Variants in CEP295 observed in about 807,000 individuals in gnomAD.
CEP295 encodes the protein centrosomal protein of 295 kDa.
Under a neutral mutation model 291.6 loss-of-function variants are expected in CEP295, and 190 were observed. The ratio of observed to expected loss-of-function variants is 0.65; its 90% CI spans 0.58 to 0.73. CEP295 has a LOEUF of 0.73. CEP295 is among the 30% of genes least tolerant of loss of function. The probability of loss-of-function intolerance (pLI) is 0.00; values close to 1 mark genes in which losing one functional copy is unlikely to be tolerated. For missense variants in CEP295, 2,863 were observed against 2,949.4 expected, an observed-to-expected ratio of 0.97 and a Z score of 0.68; for synonymous variants, 993 against 1,038.8, an observed-to-expected ratio of 0.96 and a Z score of 0.85.
chr11:93,679,745 C>T (rs1414255920), intron 7 of CEP295, among the ~76,000 whole-genome samples, 193 bp downstream of exon 7: 1 of 152,102 alleles, frequency 6.6e-6, no homozygotes, highest in African/African-American at 2.4e-5. Flanking sequence ...GCTATTCTCC[C>T]AGTGTATTGC....
At chr11:93,669,204 A>C (rs906274958) in intron 4 of CEP295, among the ~76,000 whole-genome samples, 1 of 152,134 alleles carries the variant, frequency 6.6e-6, no homozygotes, top group East Asian at 1.9e-4. Context: ...TTCAGAATGC[A>C]TGTCAACCAA....
intron 19 of CEP295, 80 bp from the exon 20 acceptor site, chr11:93,721,874 C>A (rs766090209): frequency 2.2e-6 from 2 of 912,940 alleles, no homozygotes; most frequent in African/African-American, 1.6e-5. Context: ...TCAGAAGTGA[C>A]AACTGCTGGG....
At chr11:93,671,327 G>A (rs1411769469) in intron 5 of CEP295, among the ~76,000 whole-genome samples, 1 of 152,004 alleles carries the variant, frequency 6.6e-6, no homozygotes, top group Non-Finnish European at 1.5e-5. Context: ...CTGTTAACTT[G>A]TGGGGGTTTT....
chr11:93,667,016 T>C (rs79598575), intron 2 of CEP295, among the ~76,000 whole-genome samples: 4,233 of 152,332 alleles, frequency 0.028, 87 homozygotes, highest in Non-Finnish European at 0.043. Context: ...AGTTGGAAGA[T>C]AGGTATTATT....
intron 25 of CEP295, chr11:93,729,100 A>G (rs758799407): frequency 6.1e-6 from 3 of 493,756 alleles, no homozygotes; most frequent in Non-Finnish European, 1.1e-5. Context: ...TTTTACCTAA[A>G]CTTATTCCCA....
rs898606125 is a variant in CEP295, at chr11:93,698,401, G to T, written c.3489G>T (p.Leu1163Phe). 6.4e-7 allele frequency: 1 copy of T among 1,552,092 alleles called. No individual in the cohort carries two copies. Among genetic ancestry groups the T allele is most frequent in the African/African-American group, 1.4e-5 (1 of 73,154 alleles). ...PQHSLAQQEN[L>F]TILQEQSQIQ... is the part of the protein sequence containing the mutation. ...ATAGCCTGGCACAGCAAGAAAATTT[G>T]ACAATACTCCAAGAACAGTCACAAA... Residue 1163 changes from leucine (L) to phenylalanine (F), a missense_variant, in exon 15 of 30, where the codon TTG (leucine) becomes TTT (phenylalanine). By Grantham distance (22) the Leu-to-Phe change is conservative (BLOSUM62 0). This residue lies in a region of CEP295 where 2,295 missense variants were observed against 2,335.7 expected (regional missense o/e 0.98). Transcript: ENST00000325212.
At chr11:93,696,509 C>T (rs755658906) in intron 14 of CEP295, 92 bp downstream of exon 14, 152 of 1,095,262 alleles carry the variant, frequency 1.4e-4, no homozygotes, top group Middle Eastern at 5.6e-4. Flanking sequence ...ATTTGGATTT[C>T]CTTAGAATTA....
intron 6 of CEP295, 45 bp downstream of exon 6, chr11:93,675,711 G>T (rs767102785): frequency 1.9e-5 from 19 of 991,802 alleles, no homozygotes; most frequent in Non-Finnish European, 2.5e-5. Context: ...TATTATTTCT[G>T]TGTGCATTGA....
rs892679990 is a variant in CEP295 at position 93,698,961 on chromosome 11, A to G, written c.4049A>G (p.Asn1350Ser). ...ISQLIQPQQD[N>S]LKALQEQLAT... is the part of the protein sequence containing the mutation. ...CAACTTATCCAGCCTCAACAAGATA[A>G]TTTGAAGGCACTTCAAGAACAGTTA... Residue 1350 changes from asparagine (N) to serine (S), a missense_variant, in exon 15 of 30, where the codon AAT becomes AGT. Asn to Ser is a conservative substitution (Grantham distance 46). Transcript: ENST00000325212. The G allele has an allele frequency of 2.6e-6, 4 of 1,551,260 alleles. No individual in the cohort carries two copies. The highest frequency in any genetic ancestry group is 2.0e-5 in the Admixed American group (1 of 50,996).
intron 24 of CEP295, 143 bp from the exon 25 acceptor site, chr11:93,728,538 T>C: frequency 1.7e-6 from 1 of 586,772 alleles, no homozygotes; most frequent in East Asian, 3.2e-5. Context: ...ATCTGATCTG[T>C]TGGTCTTTGC....
rs193161949 is a variant in CEP295 at position 93,691,876 on chromosome 11, G to T, written c.1430-51G>T. 1.1e-3 allele frequency: 1,545 copies of T among 1,346,576 alleles called. 21 individuals are homozygous for T. Among genetic ancestry groups the T allele is most frequent in the Non-Finnish European group, 1.0e-4 (99 of 971,620 alleles). The allele number at this position is 1,346,576 out of a possible 1,614,324, so 83.4% of individuals were successfully genotyped here. A position where few individuals can be genotyped will look rare whatever the true frequency, so the allele number is the denominator to read the frequency against. Reference sequence around the variant, plus strand: ...TATTAAGAAAGGGCATTATAGTGGTGTCAAAATTCTAAATTATTGAAACTA... The same window carrying T: ...TATTAAGAAAGGGCATTATAGTGGTTTCAAAATTCTAAATTATTGAAACTA... On this transcript the variant is annotated intron_variant, in intron 11 of 29. Coordinates refer to ENST00000325212, the MANE Select transcript of CEP295 (RefSeq NM_033395.2).
At chr11:93,687,900 C>A in intron 10 of CEP295, 35 bp downstream of exon 10, 1 of 1,440,780 alleles carries the variant, frequency 6.9e-7, no homozygotes, top group Non-Finnish European at 9.3e-7. Flanking sequence ...TTCTATAAAC[C>A]CTTTTAAGTT....
chr11:93,691,680 C>T lies in CEP295; in HGVS notation c.1337-3C>T, dbSNP rs1591038686. The T allele has an allele frequency of 8.6e-6, 13 of 1,508,332 alleles. No homozygotes were observed. Among genetic ancestry groups the T allele is most frequent in the South Asian group, 6.2e-5 (5 of 80,508 alleles). The allele number at this position is 1,508,332 out of a possible 1,614,324, so 93.4% of individuals were successfully genotyped here. On this transcript the variant is annotated splice_region_variant and splice_polypyrimidine_tract_variant and intron_variant, in intron 10 of 29. Transcript: ENST00000325212. ...AAAATAACAGTGGTATTATCTATTA[C>T]AGTTGTTGAAAGTGATACACTAACA...
intron 4 of CEP295, 76 bp from the exon 5 acceptor site, chr11:93,669,601 C>G (rs1487355492): frequency 3.2e-6 from 3 of 932,830 alleles, no homozygotes; most frequent in Non-Finnish European, 5.0e-6. Context: ...GAGCCTATGA[C>G]TTACATATTT....
chr11:93,677,643 A>G (rs1175994495), intron 6 of CEP295, among the ~76,000 whole-genome samples: 3 of 152,114 alleles, frequency 2.0e-5, no homozygotes, highest in African/African-American at 7.2e-5. Context: ...TTTTTTTCAA[A>G]TGAACTTTGC....
chr11:93,689,963 T>A (rs1234263002), intron 10 of CEP295, among the ~76,000 whole-genome samples: 1 of 152,156 alleles, frequency 6.6e-6, no homozygotes, highest in Non-Finnish European at 1.5e-5. Context: ...AGAGGGCTTG[T>A]AAGACCATCT....
Position 93,729,486 on chromosome 11 carries a change from C to T in CEP295, c.7355C>T (p.Ala2452Val), listed in dbSNP as rs1938063729. The T allele has an allele frequency of 1.9e-6, 3 of 1,551,812 alleles. No individual in the cohort carries two copies. The highest frequency in any genetic ancestry group is 1.4e-5 in the African/African-American group (1 of 73,044). The part of the protein sequence containing the change: ...VSATEASDYP[A>V]VSELSIEKPR... ...GCAACAGAAGCCTCAGATTATCCAG[C>T]TGTATCAGAACTTTCCATAGAAAAA... Residue 2452 changes from alanine to valine, a missense_variant, in exon 26 of 30, where the codon GCT becomes GTT. By Grantham distance (64) the Ala-to-Val change is moderately conservative. This residue lies in a region of CEP295 where 2,295 missense variants were observed against 2,335.7 expected (regional missense o/e 0.98). Coordinates refer to ENST00000325212, the MANE Select transcript of CEP295 (RefSeq NM_033395.2).
At position 93,722,355 on chromosome 11, in the gene CEP295, A is replaced by G. The variant is rs138508396; in HGVS notation, c.5947+305A>G. 634 of 267,464 alleles carry G rather than the reference A, an allele frequency of 2.4e-3. 23 individuals are homozygous for G. The East Asian group carries it at 0.06, about 25-fold the overall frequency. 16.6% of individuals were successfully genotyped at this position (267,464 alleles called of 1,614,324 possible). A position where few individuals can be genotyped will look rare whatever the true frequency, so the allele number is the denominator to read the frequency against. On this transcript the variant is annotated intron_variant, in intron 20 of 29. Transcript: ENST00000325212. The stretch of plus-strand genomic sequence containing the variant: ...TAAGTGCCTGTAGTCCCAGCTACTC[A>G]GGAGGCTGAGGTGAGGGGATCGCTT...
rs553531936 is a variant in CEP295, at chr11:93,682,258, CTG to C, written c.766-1299_766-1298del. On this transcript the variant is annotated intron_variant, in intron 7 of 29. Transcript: ENST00000325212. ...TTATTTTTTGAGACAGTGTCTCACT[CTG>C]TTGCCCAGGGTAGAGTTCAGTGGCG... 2.0e-3 allele frequency among the ~76,000 whole-genome samples: 304 copies of C among 152,278 alleles called. 1 individual carries two copies. The highest frequency in any genetic ancestry group is 3.4e-3 in the Admixed American group (52 of 15,298).
Sources: gnomAD v4.1 joint callset for allele counts (sites outside exome capture counted in the v4.1 genomes callset) on GRCh38, gnomAD v4.1.1 for gene constraint, gnomAD v4.1.1 regional missense constraint, MANE v1.5 for transcripts, NCBI Gene and HGNC (gene_info 2026-07-23, HGNC 2026-07-21) for gene names.